The following SEMA3D variants were observed in gnomAD, a reference collection of about 807,000 sequenced individuals.
SEMA3D encodes the protein semaphorin 3D.
In SEMA3D, 84 loss-of-function variants were observed where a neutral mutation model predicts 100.1. The ratio of observed to expected loss-of-function variants is 0.84; its 90% CI spans 0.70 to 1.01. The LOEUF is 1.01. SEMA3D is among the 50% of genes least tolerant of loss of function. The pLI is 0.00. For missense variants in SEMA3D, 875 were observed against 934.1 expected, an observed-to-expected ratio of 0.94 and a Z score of 0.82; for synonymous variants, 312 against 320.7, an observed-to-expected ratio of 0.97 and a Z score of 0.29.
rs1789541551 is a variant in SEMA3D, at chr7:85,125,473, G to A, written c.-40-3542C>T. On this transcript the variant is annotated intron_variant, in intron 2 of 18. Coordinates refer to ENST00000284136, the MANE Select transcript of SEMA3D (RefSeq NM_001384900.1). ...CCTTGTAACCAAACTCATTAATATT[G>A]TTAAATAAGTTAAAAATCAAAGCCC... 2.6e-5 allele frequency among the ~76,000 whole-genome samples: 4 copies of A among 152,142 alleles called. 1 individual carries two copies. The highest frequency in any genetic ancestry group is 9.6e-5 in the African/African-American group (4 of 41,550).
At chr7:85,079,812 T>G (rs1788001853) in intron 5 of SEMA3D, among the ~76,000 whole-genome samples, 2 of 152,202 alleles carry the variant, frequency 1.3e-5, no homozygotes, top group African/African-American at 4.8e-5. Context: ...TATGCCATGC[T>G]TATACTGTCC....
chr7:85,137,313 T>C (rs1789896202), intron 2 of SEMA3D, among the ~76,000 whole-genome samples: 1 of 151,972 alleles, frequency 6.6e-6, no homozygotes, highest in Non-Finnish European at 1.5e-5. Flanking sequence ...ACATATATAG[T>C]ATATACATAG....
At chr7:85,018,612 A>T (rs562233758) in intron 14 of SEMA3D, among the ~76,000 whole-genome samples, 1 of 151,778 alleles carries the variant, frequency 6.6e-6, no homozygotes. Flanking sequence ...AACTGCTTCC[A>T]TATAAGTCAA....
intron 2 of SEMA3D, among the ~76,000 whole-genome samples, chr7:85,137,047 G>T (rs2116450445): frequency 6.6e-6 from 1 of 152,146 alleles, no homozygotes; most frequent in East Asian, 1.9e-4. Flanking sequence ...TTTTTTAAAT[G>T]ATTAACAACA....
intron 9 of SEMA3D, among the ~76,000 whole-genome samples, chr7:85,048,789 A>G (rs1791078700): frequency 6.6e-6 from 1 of 151,892 alleles, no homozygotes; most frequent in Non-Finnish European, 1.5e-5. Flanking sequence ...TCACATAACC[A>G]TATTTGGCAG....
intron 1 of SEMA3D, among the ~76,000 whole-genome samples, chr7:85,172,751 T>C (rs567229958): frequency 4.5e-4 from 69 of 152,148 alleles, no homozygotes; most frequent in African/African-American, 1.6e-3. Context: ...ACAGCTCAAG[T>C]AGAGCAAGTT....
chr7:85,032,820 G>T (rs944980991), intron 12 of SEMA3D, among the ~76,000 whole-genome samples: 4 of 151,870 alleles, frequency 2.6e-5, no homozygotes, highest in African/African-American at 9.7e-5. Context: ...ATCTCTTTAA[G>T]TTCTATAAAA....
At chr7:85,125,098 A>T (rs1349764931) in intron 2 of SEMA3D, among the ~76,000 whole-genome samples, 1 of 152,136 alleles carries the variant, frequency 6.6e-6, no homozygotes, top group Non-Finnish European at 1.5e-5. Context: ...GGTAAAATGA[A>T]TGCAGAGACT....
chr7:85,093,544 T>C (rs1788463254), intron 4 of SEMA3D, among the ~76,000 whole-genome samples: 1 of 152,020 alleles, frequency 6.6e-6, no homozygotes, highest in African/African-American at 2.4e-5. Context: ...TTTTCATCTT[T>C]GTAGTCACTC....
intron 1 of SEMA3D, among the ~76,000 whole-genome samples, chr7:85,155,811 C>T (rs1025998450): frequency 1.3e-5 from 2 of 152,054 alleles, no homozygotes; most frequent in Non-Finnish European, 2.9e-5. Flanking sequence ...GTAATGAGCC[C>T]TTGATATCTC....
intron 2 of SEMA3D, 26 bp from the exon 3 acceptor site, chr7:85,121,957 CTA>C (rs1789430864): frequency 9.7e-7 from 1 of 1,027,568 alleles, no homozygotes; most frequent in Non-Finnish European, 1.4e-6. Context: ...AAAAAAAAAA[CTA>C]TTAAGGTATC....
intron 2 of SEMA3D, among the ~76,000 whole-genome samples, chr7:85,132,286 G>A (rs374537767): frequency 2.7e-4 from 41 of 151,890 alleles, no homozygotes; most frequent in African/African-American, 8.0e-4. Context: ...ATGGAAACTC[G>A]TAAAACAGTG....
intron 12 of SEMA3D, among the ~76,000 whole-genome samples, chr7:85,026,635 A>T (rs896637548): frequency 2.0e-5 from 3 of 151,966 alleles, no homozygotes; most frequent in Admixed American, 2.0e-4. Context: ...TTTGAATTAC[A>T]TTTTTTTCTT....
At chr7:85,033,209 G>C (rs1790593656) in intron 12 of SEMA3D, among the ~76,000 whole-genome samples, 1 of 152,108 alleles carries the variant, frequency 6.6e-6, no homozygotes. Flanking sequence ...ACAGCATAAA[G>C]ACTATATTCT....
intron 2 of SEMA3D, among the ~76,000 whole-genome samples, chr7:85,124,451 C>T (rs187704335): frequency 1.3e-5 from 2 of 151,854 alleles, no homozygotes; most frequent in East Asian, 1.9e-4. Context: ...CATATCTAAT[C>T]GCTGACCATT....
chr7:85,041,455 T>C (rs2115988046), intron 10 of SEMA3D: 1 of 152,014 alleles, frequency 6.6e-6, no homozygotes, highest in East Asian at 1.9e-4. Context: ...CTTTAAAAGA[T>C]TAAGATGTGA....
At chr7:85,158,251 C>T (rs1432899395) in intron 1 of SEMA3D, among the ~76,000 whole-genome samples, 6 of 152,182 alleles carry the variant, frequency 3.9e-5, no homozygotes, top group Admixed American at 2.0e-4. Flanking sequence ...CCATATTTCT[C>T]TTCTTTCAAA....
At chr7:85,206,746 C>G in the SEMA3D span, among the ~76,000 whole-genome samples, 5 of 152,114 alleles carry the variant, frequency 3.3e-5, no homozygotes, top group African/African-American at 1.2e-4. Context: ...GTGGGTGCAT[C>G]TTGACATGGG....
chr7:85,064,302 C>A (rs1405159940), intron 8 of SEMA3D, among the ~76,000 whole-genome samples: 1 of 152,072 alleles, frequency 6.6e-6, no homozygotes, highest in Non-Finnish European at 1.5e-5. Context: ...CAAATAATTC[C>A]ACAAAAATCT....
Sources: gnomAD v4.1 joint callset for allele counts (sites outside exome capture counted in the v4.1 genomes callset) on GRCh38, gnomAD v4.1.1 for gene constraint, MANE v1.5 for transcripts, NCBI Gene and HGNC (gene_info 2026-07-23, HGNC 2026-07-21) for gene names.